The following HDAC9 variants were observed in gnomAD, a reference collection of about 807,000 sequenced individuals.
HDAC9 encodes the protein histone deacetylase 9.
Under a neutral mutation model 139.4 loss-of-function variants are expected in HDAC9, and 41 were observed. The ratio of observed to expected loss-of-function variants is 0.29; its 90% CI spans 0.23 to 0.38. The LOEUF (loss-of-function observed/expected upper bound fraction) is 0.38. Among genes scored for constraint, HDAC9 ranks in the 10% least tolerant of loss-of-function variants. The pLI, the probability that HDAC9 is intolerant of heterozygous loss-of-function variation, is 1.00. For synonymous variants in HDAC9, 517 were observed against 476.2 expected (o/e 1.09, Z -1.12); for missense variants, 1,147 against 1,297.0 (o/e 0.88, Z 1.78).
chr7:18,265,246 C>T (rs547426321), intron 2 of HDAC9, among the ~76,000 whole-genome samples: 13 of 152,270 alleles, frequency 8.5e-5, no homozygotes, highest in Admixed American at 8.5e-4. Context: ...TGAATTGATG[C>T]ACTTTCAATT....
Position 18,996,411 on chromosome 7 carries a change from A to ATGAC in HDAC9, c.*350_*353dup, listed in dbSNP as rs1430184438. 10 of 174,372 alleles carry ATGAC rather than the reference A, an allele frequency of 5.7e-5. No homozygotes were observed. The highest frequency in any genetic ancestry group is 8.5e-5 in the Non-Finnish European group (7 of 81,982). The allele number at this position is 174,372 out of a possible 1,614,324, so 10.8% of individuals were successfully genotyped here. ...CTAGATATTGTTAATTTCAGAAGCT[A>ATGAC]TGACAGCCAGTGAAATTTTGGGCAA... is the stretch of plus-strand genomic sequence containing the variant. On this transcript the variant is annotated 3_prime_UTR_variant, in exon 26 of 26. Coordinates refer to ENST00000686413, the MANE Select transcript of HDAC9 (RefSeq NM_178425.4).
chr7:18,755,800 C>T (rs1480928639), intron 14 of HDAC9, among the ~76,000 whole-genome samples: 1 of 152,094 alleles, frequency 6.6e-6, no homozygotes, highest in African/African-American at 2.4e-5. Context: ...AGAAATGGCT[C>T]TATGTCCTAA....
chr7:18,629,339 T>G lies in HDAC9; in HGVS notation c.665-11T>G. On this transcript the variant is annotated splice_polypyrimidine_tract_variant and intron_variant, in intron 6 of 25. Transcript: ENST00000686413. ...TTTTATCTATTTTTTTTTTTTTGTC[T>G]CAATCCCCAGCCTCTGAGCCCAACT... 1 of 1,536,934 alleles carries G rather than the reference T, an allele frequency of 6.5e-7. No homozygotes were observed. The highest frequency in any genetic ancestry group is 8.7e-7 in the Non-Finnish European group (1 of 1,143,300).
chr7:18,984,415 C>T (rs534092521), intron 25 of HDAC9, among the ~76,000 whole-genome samples: 2 of 152,006 alleles, frequency 1.3e-5, no homozygotes, highest in South Asian at 2.1e-4. Context: ...TATTACCATT[C>T]GAATTTGAGT....
chr7:18,261,739 C>G (rs1170960647), intron 2 of HDAC9, among the ~76,000 whole-genome samples: 1 of 152,144 alleles, frequency 6.6e-6, no homozygotes. Flanking sequence ...TCTTTTTCTG[C>G]TAGAGCTTTG....
intron 1 of HDAC9, among the ~76,000 whole-genome samples, chr7:18,372,016 A>G (rs941565445): frequency 3.3e-5 from 5 of 152,310 alleles, no homozygotes; most frequent in African/African-American, 1.2e-4. Context: ...GTAACCTGCA[A>G]TGACATGGAT....
intron 1 of HDAC9, among the ~76,000 whole-genome samples, chr7:18,099,935 C>A (rs942003903): frequency 3.3e-5 from 5 of 151,998 alleles, no homozygotes; most frequent in Non-Finnish European, 5.9e-5. Context: ...GCTCTTTATT[C>A]CTTTGTCTAT....
chr7:18,715,904 G>C (rs1225701985), intron 12 of HDAC9, among the ~76,000 whole-genome samples: 1 of 152,084 alleles, frequency 6.6e-6, no homozygotes, highest in Non-Finnish European at 1.5e-5. Flanking sequence ...CACAACTTCA[G>C]GAGTTTTATA....
intron 1 of HDAC9, among the ~76,000 whole-genome samples, chr7:18,296,886 T>C (rs1188392366): frequency 7.2e-5 from 11 of 152,142 alleles, no homozygotes; most frequent in Non-Finnish European, 1.5e-5. Context: ...ATGAACAGAA[T>C]CACAGAAGGA....
intron 12 of HDAC9, among the ~76,000 whole-genome samples, chr7:18,701,414 AAC>A (rs1192769746): frequency 0.057 from 8,197 of 144,754 alleles, 778 homozygotes; most frequent in African/African-American, 0.2. Flanking sequence ...AAACAAAACA[AAC>A]AAAAAAAAAA....
intron 2 of HDAC9, among the ~76,000 whole-genome samples, chr7:18,222,387 G>A (rs1013505171): frequency 2.8e-4 from 43 of 151,998 alleles, no homozygotes; most frequent in African/African-American, 1.0e-3. Flanking sequence ...TTTTCAAAAG[G>A]GCAGGTAGCT....
intron 2 of HDAC9, among the ~76,000 whole-genome samples, chr7:18,206,176 A>T (rs1434962477): frequency 3.3e-5 from 5 of 152,274 alleles, no homozygotes; most frequent in African/African-American, 9.6e-5. Flanking sequence ...CCTGTGACTG[A>T]TGATCATTTT....
At chr7:18,495,549 G>A (rs1796741567), upstream of HDAC9, among the ~76,000 whole-genome samples, 1 of 152,088 alleles carries the variant, frequency 6.6e-6, no homozygotes, top group African/African-American at 2.4e-5. Context: ...GAAAGATAGA[G>A]GCTGGACAGC....
intron 2 of HDAC9, among the ~76,000 whole-genome samples, chr7:18,266,889 A>G (rs1366153412): frequency 6.6e-6 from 1 of 152,140 alleles, no homozygotes; most frequent in Non-Finnish European, 1.5e-5. Context: ...CTTTATTTAT[A>G]TTTATGATGG....
At chr7:18,451,395 G>GTATATATATA (rs1792827732) in intron 1 of HDAC9, among the ~76,000 whole-genome samples, 2 of 134,362 alleles carry the variant, frequency 1.5e-5, no homozygotes, top group African/African-American at 5.5e-5. Flanking sequence ...GTGTGTGTGT[G>GTATATATATA]TGTGTGTATA....
chr7:18,613,494 C>T (rs1360226649), intron 6 of HDAC9, among the ~76,000 whole-genome samples: 1 of 151,990 alleles, frequency 6.6e-6, no homozygotes, highest in Non-Finnish European at 1.5e-5. Context: ...ATGTAAGCGT[C>T]TTCTAGATTT....
intron 25 of HDAC9, among the ~76,000 whole-genome samples, chr7:18,982,029 G>A (rs1263945798): frequency 6.6e-6 from 1 of 152,126 alleles, no homozygotes; most frequent in East Asian, 1.9e-4. Context: ...AATCAGGGTG[G>A]AAGAATGTGT....
chr7:18,966,367 C>G (rs1191779856), intron 24 of HDAC9, among the ~76,000 whole-genome samples: 1 of 152,168 alleles, frequency 6.6e-6, no homozygotes, highest in Non-Finnish European at 1.5e-5. Flanking sequence ...GTCATGGTTG[C>G]TGTAGCTTGT....
chr7:18,626,028 G>T (rs191969587), intron 6 of HDAC9, among the ~76,000 whole-genome samples: 161 of 151,448 alleles, frequency 1.1e-3, no homozygotes, highest in African/African-American at 3.7e-3. Flanking sequence ...TCTTTGCAGC[G>T]TGGGTCATAG....
Sources: allele counts gnomAD v4.1 joint callset (sites outside exome capture counted in the v4.1 genomes callset), GRCh38; gene constraint gnomAD v4.1.1; transcripts MANE v1.5; gene names NCBI Gene and HGNC (gene_info 2026-07-23, HGNC 2026-07-21).